The following XYLT1 variants were observed in gnomAD, a reference collection of about 807,000 sequenced individuals.
XYLT1 encodes beta-D-xylosyltransferase 1.
In XYLT1, 36 loss-of-function variants were observed where a neutral mutation model predicts 91.3. That is an observed-to-expected ratio of 0.39 (90% CI 0.30 to 0.52). The LOEUF is 0.52. Ranked by LOEUF, XYLT1 falls within the 20% of genes least tolerant of loss-of-function variation. The pLI is 0.68. For synonymous variants in XYLT1, 588 were observed against 532.0 expected, an observed-to-expected ratio of 1.11 and a Z score of -1.45; for missense variants, 1,242 against 1,284.5, an observed-to-expected ratio of 0.97 and a Z score of 0.51.
At chr16:17,217,696 A>T (rs1243551373) in intron 3 of XYLT1, among the ~76,000 whole-genome samples, 2 of 152,224 alleles carry the variant, frequency 1.3e-5, no homozygotes, top group Non-Finnish European at 2.9e-5. Context: ...TGGATGTTGG[A>T]TGGAGAAAAC....
chr16:17,215,182 C>T (rs1213064244), intron 3 of XYLT1, among the ~76,000 whole-genome samples: 1 of 152,126 alleles, frequency 6.6e-6, no homozygotes, highest in East Asian at 1.9e-4. Flanking sequence ...ATGGTAAAAA[C>T]TTGTCTCTAT....
chr16:17,175,979 C>G (rs2031933189), intron 5 of XYLT1, among the ~76,000 whole-genome samples: 1 of 152,252 alleles, frequency 6.6e-6, no homozygotes, highest in Non-Finnish European at 1.5e-5. Flanking sequence ...AAAGACAAAA[C>G]CCCTCCACTG....
At chr16:17,432,542 A>G (rs140909263) in intron 1 of XYLT1, among the ~76,000 whole-genome samples, 374 of 152,328 alleles carry the variant, frequency 2.5e-3, no homozygotes, top group African/African-American at 8.4e-3. Context: ...TCCGATTGGC[A>G]TAAGGAGTCT....
At chr16:17,434,871 G>GA (rs567413041) in intron 1 of XYLT1, among the ~76,000 whole-genome samples, 9,010 of 131,038 alleles carry the variant, frequency 0.069, 376 homozygotes, top group African/African-American at 0.13. Flanking sequence ...CTGTCTCTAA[G>GA]AAAAAAAAAA....
chr16:17,454,539 T>C (rs1405847958), intron 1 of XYLT1, among the ~76,000 whole-genome samples: 1 of 93,486 alleles, frequency 1.1e-5, no homozygotes, highest in Non-Finnish European at 2.1e-5. Flanking sequence ...ATGATCGCAA[T>C]TTTTTTTTTT....
Position 17,105,593 on chromosome 16 carries a change from C to T in XYLT1, c.*3102G>A, listed in dbSNP as rs948322199. 6.6e-6 allele frequency: 1 copy of T among 152,150 alleles called. No individual in the cohort carries two copies. Among genetic ancestry groups the T allele is most frequent in the African/African-American group, 2.4e-5 (1 of 41,420 alleles). 9.4% of individuals were successfully genotyped at this position (152,150 alleles called of 1,614,324 possible). A position where few individuals can be genotyped will look rare whatever the true frequency, so the allele number is the denominator to read the frequency against. ...GAGCTCAATTTCTGCCTGAATGTCACTCGGTGGGTGGGAAACTATAAGGAG... is the reference window on the plus strand; with the variant it reads ...GAGCTCAATTTCTGCCTGAATGTCATTCGGTGGGTGGGAAACTATAAGGAG... On this transcript the variant is annotated 3_prime_UTR_variant, in exon 12 of 12. Coordinates refer to ENST00000261381, the MANE Select transcript of XYLT1 (RefSeq NM_022166.4).
intron 5 of XYLT1, among the ~76,000 whole-genome samples, chr16:17,165,874 T>C (rs1278060729): frequency 6.6e-6 from 1 of 152,226 alleles, no homozygotes; most frequent in Non-Finnish European, 1.5e-5. Flanking sequence ...AATTGTTCAC[T>C]CTAGGATTAT....
In XYLT1 at chr16:17,104,917, A is replaced by G. The variant is rs1250890007; in HGVS notation, c.*3778T>C. 6.6e-6 allele frequency: 1 copy of G among 152,240 alleles called. No individual in the cohort carries two copies. Among genetic ancestry groups the G allele is most frequent in the East Asian group, 1.9e-4 (1 of 5,188 alleles). The allele number at this position is 152,240 out of a possible 1,614,324, so 9.4% of individuals were successfully genotyped here. On this transcript the variant is annotated 3_prime_UTR_variant, in exon 12 of 12. Transcript: ENST00000261381. ...CATCTATGCTAGTATTCTGGGCCCC[A>G]TAAACATTTGTAACCCCTACCACAG...
chr16:17,280,523 C>T (rs2034041951), intron 2 of XYLT1, among the ~76,000 whole-genome samples: 1 of 151,962 alleles, frequency 6.6e-6, no homozygotes, highest in Non-Finnish European at 1.5e-5. Context: ...TTAAAATGTA[C>T]AGAAAAATAA....
chr16:17,279,988 C>A (rs926097901), intron 2 of XYLT1, among the ~76,000 whole-genome samples: 2 of 152,136 alleles, frequency 1.3e-5, no homozygotes, highest in African/African-American at 4.8e-5. Context: ...CTGTTTGTCC[C>A]TCTCCCCTCT....
chr16:17,215,087 G>C (rs548322193), intron 3 of XYLT1, among the ~76,000 whole-genome samples: 1 of 152,128 alleles, frequency 6.6e-6, no homozygotes, highest in African/African-American at 2.4e-5. Flanking sequence ...CGAGTGTGGC[G>C]GCTCATGCCT....
intron 5 of XYLT1, chr16:17,193,156 T>C (rs1344709327): frequency 1.3e-5 from 2 of 152,134 alleles, no homozygotes; most frequent in Non-Finnish European, 2.9e-5. Flanking sequence ...AAGAAATACT[T>C]TGCTACTCTT....
intron 2 of XYLT1, among the ~76,000 whole-genome samples, chr16:17,296,753 G>A (rs2034318084): frequency 6.6e-6 from 1 of 152,182 alleles, no homozygotes; most frequent in Non-Finnish European, 1.5e-5. Flanking sequence ...CATCAGCTCA[G>A]GGATCAGTCA....
intron 3 of XYLT1, among the ~76,000 whole-genome samples, chr16:17,204,942 C>G (rs1323958583): frequency 1.1e-5 from 1 of 90,660 alleles, no homozygotes; most frequent in Non-Finnish European, 2.2e-5. Context: ...TTTGAAAGAC[C>G]AAAACCCAAA....
chr16:17,323,363 C>T (rs561603892), intron 2 of XYLT1, among the ~76,000 whole-genome samples: 3 of 152,164 alleles, frequency 2.0e-5, no homozygotes, highest in African/African-American at 4.8e-5. Context: ...GGCATCTTCG[C>T]GCAGACGGCA....
intron 7 of XYLT1, 140 bp downstream of exon 7, chr16:17,141,013 A>G (rs2030956215): frequency 1.2e-6 from 1 of 824,454 alleles, no homozygotes. Flanking sequence ...GCATCCTGCT[A>G]AGACAGCAAG....
chr16:17,335,233 AC>A (rs1370783205), intron 2 of XYLT1, among the ~76,000 whole-genome samples: 1 of 149,558 alleles, frequency 6.7e-6, no homozygotes, highest in Non-Finnish European at 1.5e-5. Context: ...AAACAAAAAA[AC>A]AATAACAAAC....
At position 17,263,400 on chromosome 16, in the gene XYLT1, C is replaced by T. The variant is rs150623582; in HGVS notation, c.403-3902G>A. Among the ~76,000 whole-genome samples the T allele has an allele frequency of 6.6e-5, 10 of 152,250 alleles. No individual in the cohort carries two copies. The South Asian group carries it at 1.0e-3, about 16-fold the overall frequency. ...TGATGGGACTCATGATTAATACCCG[C>T]TCTCTACTCAAGACAGGCCACCACA... is the stretch of plus-strand genomic sequence containing the variant. On this transcript the variant is annotated intron_variant, in intron 2 of 11. Coordinates refer to ENST00000261381, the MANE Select transcript of XYLT1 (RefSeq NM_022166.4).
chr16:17,360,678 T>C (rs1310661360), intron 1 of XYLT1, among the ~76,000 whole-genome samples: 1 of 152,196 alleles, frequency 6.6e-6, no homozygotes, highest in African/African-American at 2.4e-5. Context: ...TATGACTATA[T>C]ATCTGTGAGG....
Sources: allele counts gnomAD v4.1 joint callset (sites outside exome capture counted in the v4.1 genomes callset), GRCh38; gene constraint gnomAD v4.1.1; transcripts MANE v1.5; gene names NCBI Gene and HGNC (gene_info 2026-07-23, HGNC 2026-07-21).